SLC44A1: variants seen among roughly 807,000 people sequenced by gnomAD.
The protein encoded by SLC44A1 is choline transporter-like protein 1.
A neutral mutation model predicts 79.3 loss-of-function variants in SLC44A1; 26 were observed. That is an observed-to-expected ratio of 0.33 (90% CI 0.24 to 0.46). The LOEUF (loss-of-function observed/expected upper bound fraction) is 0.46. Among genes scored for constraint, SLC44A1 ranks in the 20% least tolerant of loss-of-function variants. The probability of loss-of-function intolerance (pLI) is 1.00; values close to 1 mark genes in which losing one functional copy is unlikely to be tolerated. For synonymous variants in SLC44A1, 263 were observed against 286.2 expected, an observed-to-expected ratio of 0.92 and a Z score of 0.82; for missense variants, 688 against 798.1, an observed-to-expected ratio of 0.86 and a Z score of 1.66.
intron 2 of SLC44A1, among the ~76,000 whole-genome samples, chr9:105,307,524 C>T (rs935160743): frequency 5.3e-5 from 8 of 151,948 alleles, no homozygotes; most frequent in African/African-American, 1.7e-4. Flanking sequence ...CATGCCTGTC[C>T]TCCCAGCTGC....
intron 1 of SLC44A1, among the ~76,000 whole-genome samples, chr9:105,259,715 A>G (rs1414016106): frequency 6.6e-6 from 1 of 152,218 alleles, no homozygotes; most frequent in East Asian, 1.9e-4. Context: ...ATATTTTGAC[A>G]TATTTTGAAA....
At chr9:105,360,065 G>A (rs191075158) in intron 7 of SLC44A1, among the ~76,000 whole-genome samples, 44 of 152,194 alleles carry the variant, frequency 2.9e-4, no homozygotes, top group Admixed American at 6.5e-4. Flanking sequence ...GGTCTGGTCC[G>A]CAGCTACCTC....
Position 105,395,208 on chromosome 9 carries a change from G to T in SLC44A1, c.*6152G>T, listed in dbSNP as rs10991649. ...CCCACACTCCTAGAAAAGTTTGGGG[G>T]TTTTTTTTGTTTGTTTTTGGTGTTT... is the stretch of plus-strand genomic sequence containing the variant. On this transcript the variant is annotated 3_prime_UTR_variant, in exon 16 of 16. Transcript: ENST00000374720. 50,326 of 975,052 alleles carry T rather than the reference G, an allele frequency of 0.052. 1,369 individuals carry two copies. Among genetic ancestry groups the T allele is most frequent in the Middle Eastern group, 0.071 (135 of 1,896 alleles). 60.4% of individuals were successfully genotyped at this position (975,052 alleles called of 1,614,324 possible). A position where few individuals can be genotyped will look rare whatever the true frequency, so the allele number is the denominator to read the frequency against.
intron 13 of SLC44A1, among the ~76,000 whole-genome samples, chr9:105,379,839 G>A (rs1186071506): frequency 1.3e-5 from 2 of 152,252 alleles, no homozygotes; most frequent in South Asian, 2.1e-4. Context: ...TTGCTTCTGT[G>A]TGAAATTACT....
chr9:105,276,838 A>G (rs1434141973), intron 1 of SLC44A1, among the ~76,000 whole-genome samples: 1 of 152,168 alleles, frequency 6.6e-6, no homozygotes, highest in Non-Finnish European at 1.5e-5. Flanking sequence ...GTGCCCAAGC[A>G]TCTAGGGTGT....
At chr9:105,341,856 C>T (rs1015237665) in intron 4 of SLC44A1, among the ~76,000 whole-genome samples, 10 of 152,160 alleles carry the variant, frequency 6.6e-5, no homozygotes. Context: ...CTCTAAATAA[C>T]TCATTTTATT....
chr9:105,340,102 C>A (rs1014897725), intron 4 of SLC44A1, among the ~76,000 whole-genome samples: 11 of 152,124 alleles, frequency 7.2e-5, no homozygotes, highest in Non-Finnish European at 1.5e-4. Flanking sequence ...TGAAAAAGTT[C>A]TAAAAATCTG....
At chr9:105,359,189 T>C (rs1338546799) in intron 7 of SLC44A1, among the ~76,000 whole-genome samples, 1 of 152,176 alleles carries the variant, frequency 6.6e-6, no homozygotes, top group East Asian at 1.9e-4. Context: ...CTAGTTTTAG[T>C]AGGAACTACT....
intron 1 of SLC44A1, among the ~76,000 whole-genome samples, chr9:105,261,360 C>T (rs903682368): frequency 3.3e-5 from 5 of 152,154 alleles, no homozygotes; most frequent in Admixed American, 6.5e-5. Context: ...TTGTTTCTGG[C>T]CCACAGAGCA....
At chr9:105,380,596 A>G (rs1828431796) in intron 13 of SLC44A1, among the ~76,000 whole-genome samples, 1 of 151,836 alleles carries the variant, frequency 6.6e-6, no homozygotes, top group Non-Finnish European at 1.5e-5. Context: ...GTAAATATTT[A>G]TATATATATA....
chr9:105,381,373 C>G (rs890559028), intron 13 of SLC44A1, among the ~76,000 whole-genome samples: 1 of 151,026 alleles, frequency 6.6e-6, no homozygotes, highest in Non-Finnish European at 1.5e-5. Flanking sequence ...AACCCTGTCT[C>G]TACTAAAAAA....
At position 105,393,695 on chromosome 9, in the gene SLC44A1, A is replaced by G. The variant is rs1828815635; in HGVS notation, c.*4639A>G. ...AATGATGATTCAGTTTCAATATTGC[A>G]TGAACAATTGCCACTTTGTAAATTA... is the stretch of plus-strand genomic sequence containing the variant. On this transcript the variant is annotated 3_prime_UTR_variant, in exon 16 of 16. Coordinates refer to ENST00000374720, the MANE Select transcript of SLC44A1 (RefSeq NM_080546.5). 1.1e-5 allele frequency: 11 copies of G among 984,776 alleles called. No individual in the cohort carries two copies. The highest frequency in any genetic ancestry group is 1.3e-5 in the Non-Finnish European group (11 of 829,330). 61.0% of individuals were successfully genotyped at this position (984,776 alleles called of 1,614,324 possible).
intron 15 of SLC44A1, among the ~76,000 whole-genome samples, chr9:105,429,520 C>T (rs1438670208): frequency 6.6e-5 from 10 of 152,150 alleles, no homozygotes; most frequent in Non-Finnish European, 1.0e-4. Context: ...GCAGGCTGCT[C>T]TCAAACTCCT....
intron 15 of SLC44A1, among the ~76,000 whole-genome samples, chr9:105,407,457 T>G (rs564912705): frequency 1.3e-5 from 2 of 152,328 alleles, no homozygotes; most frequent in African/African-American, 4.8e-5. Context: ...TAAGTGATCC[T>G]TAATAAGATT....
At chr9:105,328,053 C>T (rs10991625) in intron 3 of SLC44A1, among the ~76,000 whole-genome samples, 56 of 152,228 alleles carry the variant, frequency 3.7e-4, no homozygotes, top group African/African-American at 1.3e-3. Context: ...TCTTCCTTAC[C>T]TTCACTCCCC....
At chr9:105,263,224 C>T (rs981097200) in intron 1 of SLC44A1, among the ~76,000 whole-genome samples, 1 of 152,202 alleles carries the variant, frequency 6.6e-6, no homozygotes, top group Non-Finnish European at 1.5e-5. Context: ...CTTACTGCTT[C>T]CTGAGGCATT....
rs1828805479 is a variant in SLC44A1 at position 105,393,223 on chromosome 9, CTT to C, written c.*4169_*4170del. ...TTGCTTTAAATGCATATTCATGTATCTTTGTGTGCTAAGAATGCATGTTAGCC... is the reference window on the plus strand; with the variant it reads ...TTGCTTTAAATGCATATTCATGTATCTGTGTGCTAAGAATGCATGTTAGCC... On this transcript the variant is annotated 3_prime_UTR_variant, in exon 16 of 16. Transcript: ENST00000374720. 1 of 985,278 alleles carries C rather than the reference CTT, an allele frequency of 1.0e-6. No homozygotes were observed. The highest frequency in any genetic ancestry group is 6.1e-5 in the Admixed American group (1 of 16,268). 61.0% of individuals were successfully genotyped at this position (985,278 alleles called of 1,614,324 possible). A position where few individuals can be genotyped will look rare whatever the true frequency, so the allele number is the denominator to read the frequency against.
rs149333309 is a variant in SLC44A1, at chr9:105,370,633, G to T, written c.1495-3965G>T. ...AAATGAAGCTTCTAAAAACTAATGAGGGAAACAAAAAAAGCTTTTATAGTT... is the reference window on the plus strand; with the variant it reads ...AAATGAAGCTTCTAAAAACTAATGATGGAAACAAAAAAAGCTTTTATAGTT... On this transcript the variant is annotated intron_variant, in intron 12 of 15. Coordinates refer to ENST00000374720, the MANE Select transcript of SLC44A1 (RefSeq NM_080546.5). 1.1e-4 allele frequency among the ~76,000 whole-genome samples: 16 copies of T among 152,128 alleles called. No homozygotes were observed. The East Asian group carries it at 3.1e-3, about 29-fold the overall frequency.
chr9:105,277,852 G>A (rs537434919), intron 1 of SLC44A1, among the ~76,000 whole-genome samples: 223 of 152,316 alleles, frequency 1.5e-3, no homozygotes, highest in African/African-American at 5.2e-3. Context: ...AGCCAGCACA[G>A]TCAACTCTAA....
Sources: allele counts gnomAD v4.1 joint callset (sites outside exome capture counted in the v4.1 genomes callset), GRCh38; gene constraint gnomAD v4.1.1; transcripts MANE v1.5; gene names NCBI Gene and HGNC (gene_info 2026-07-23, HGNC 2026-07-21).